ADGRB3: variants seen among roughly 807,000 people sequenced by gnomAD.
ADGRB3 encodes the protein adhesion G protein-coupled receptor B3.
ADGRB3 carries 37 observed loss-of-function variants against 193.4 expected under a neutral mutation model. The ratio of observed to expected loss-of-function variants is 0.19; its 90% confidence interval spans 0.15 to 0.25. ADGRB3 has a LOEUF of 0.25. Among genes scored for constraint, ADGRB3 ranks in the 10% least tolerant of loss-of-function variants. ADGRB3 has a pLI of 1.00. For synonymous variants in ADGRB3, 690 were observed against 644.2 expected (o/e 1.07, Z -1.08); for missense variants, 1,637 against 1,852.9 (o/e 0.88, Z 2.14).
chr6:69,192,827 A>T (rs2150355407), intron 17 of ADGRB3, among the ~76,000 whole-genome samples: 1 of 152,280 alleles, frequency 6.6e-6, no homozygotes, highest in Middle Eastern at 3.4e-3. Flanking sequence ...TACAACAGTG[A>T]ACAAGACAAA....
chr6:68,753,133 A>G (rs1446005378), intron 3 of ADGRB3, among the ~76,000 whole-genome samples: 1 of 152,210 alleles, frequency 6.6e-6, no homozygotes, highest in Non-Finnish European at 1.5e-5. Flanking sequence ...GGCGATAGGG[A>G]TAGTGTGGTA....
chr6:69,332,822 A>T (rs1481151793), intron 23 of ADGRB3, 101 bp from the exon 24 acceptor site: 1 of 1,516,292 alleles, frequency 6.6e-7, no homozygotes, highest in Non-Finnish European at 8.8e-7. Context: ...ACTACTAGTG[A>T]TACGGTGGTT....
intron 20 of ADGRB3, among the ~76,000 whole-genome samples, chr6:69,256,822 A>G (rs563480220): frequency 6.6e-5 from 10 of 152,306 alleles, no homozygotes; most frequent in Admixed American, 2.6e-4. Context: ...CCCATTCTGT[A>G]TGATATTGGC....
At chr6:68,691,490 C>T (rs1354418692) in intron 3 of ADGRB3, among the ~76,000 whole-genome samples, 1 of 151,914 alleles carries the variant, frequency 6.6e-6, no homozygotes, top group African/African-American at 2.4e-5. Context: ...CATTTATTAC[C>T]TACTATCTCA....
At chr6:68,839,965 G>A (rs1207763542) in intron 3 of ADGRB3, among the ~76,000 whole-genome samples, 1 of 152,092 alleles carries the variant, frequency 6.6e-6, no homozygotes, top group Non-Finnish European at 1.5e-5. Flanking sequence ...ACAGTGGAAA[G>A]CAACACCAGA....
rs1015628982 is a variant in ADGRB3 at position 69,170,270 on chromosome 6, T to C, written c.2481-63020T>C. ...AAGCATATGTTGAAAATAAAGCATT[T>C]GATAAAAAGCCTAGATCTAGACTGT... On this transcript the variant is annotated intron_variant, in intron 17 of 31. Coordinates refer to ENST00000370598, the MANE Select transcript of ADGRB3 (RefSeq NM_001704.3). Among the ~76,000 whole-genome samples the C allele has an allele frequency of 2.0e-5, 3 of 152,144 alleles. No individual in the cohort carries two copies. In the East Asian group the frequency reaches 5.8e-4, roughly 29 times the overall value.
intron 3 of ADGRB3, among the ~76,000 whole-genome samples, chr6:68,668,945 G>A (rs569247774): frequency 6.6e-6 from 1 of 151,944 alleles, no homozygotes; most frequent in Non-Finnish European, 1.5e-5. Flanking sequence ...CCGTAGCATT[G>A]TATATTTCTT....
At chr6:69,382,744 T>C (rs1234558579) in intron 30 of ADGRB3, 87 bp from the exon 31 acceptor site, 1 of 975,672 alleles carries the variant, frequency 1.0e-6, no homozygotes, top group Non-Finnish European at 1.5e-6. Flanking sequence ...TGATTACCCT[T>C]ATTATTAAAG....
At chr6:69,093,705 G>A (rs1772783818) in intron 17 of ADGRB3, among the ~76,000 whole-genome samples, 2 of 151,666 alleles carry the variant, frequency 1.3e-5, no homozygotes, top group Non-Finnish European at 2.9e-5. Context: ...CTACGTTCAG[G>A]GGCTAGTAGG....
chr6:68,683,685 G>A lies in ADGRB3; in HGVS notation c.757+44253G>A, dbSNP rs185265908. On this transcript the variant is annotated intron_variant, in intron 3 of 31. Coordinates refer to ENST00000370598, the MANE Select transcript of ADGRB3 (RefSeq NM_001704.3). The stretch of plus-strand genomic sequence containing the variant: ...TTGCGTCAATATTGCCAGGTCTTTG[G>A]CTTCCATTTTTCCTGAGATGTAGGA... 1.3e-3 allele frequency among the ~76,000 whole-genome samples: 195 copies of A among 152,286 alleles called. 1 individual carries two copies. Among genetic ancestry groups the A allele is most frequent in the African/African-American group, 4.5e-3 (187 of 41,558 alleles).
rs1283875521 is a variant in ADGRB3, at chr6:69,126,797, A to G, written c.2480+50759A>G. Among the ~76,000 whole-genome samples the G allele has an allele frequency of 2.0e-5, 3 of 152,208 alleles. No individual in the cohort carries two copies. In the East Asian group the frequency reaches 5.8e-4, roughly 29 times the overall value. ...TTAACCATCACACTTACCTTCCTAT[A>G]GAGTTTGACCTTTCCAACTCTAAGC... On this transcript the variant is annotated intron_variant, in intron 17 of 31. Coordinates refer to ENST00000370598, the MANE Select transcript of ADGRB3 (RefSeq NM_001704.3).
At chr6:68,961,255 T>C (rs1377660173) in intron 8 of ADGRB3, among the ~76,000 whole-genome samples, 1 of 152,184 alleles carries the variant, frequency 6.6e-6, no homozygotes, top group Non-Finnish European at 1.5e-5. Context: ...ATCCTCATTT[T>C]TCCTCTACCA....
intron 17 of ADGRB3, among the ~76,000 whole-genome samples, chr6:69,103,923 G>A (rs1412625335): frequency 4.0e-5 from 6 of 151,868 alleles, no homozygotes; most frequent in Admixed American, 1.3e-4. Flanking sequence ...AGGTTTTCAC[G>A]GATGCTCTCA....
At chr6:68,684,362 TTG>T (rs1480325496) in intron 3 of ADGRB3, among the ~76,000 whole-genome samples, 1 of 152,220 alleles carries the variant, frequency 6.6e-6, no homozygotes, top group Non-Finnish European at 1.5e-5. Context: ...TTCTATTGCA[TTG>T]TTACAGTTTA....
chr6:69,270,659 C>A (rs1256053004), intron 20 of ADGRB3, among the ~76,000 whole-genome samples: 1 of 152,036 alleles, frequency 6.6e-6, no homozygotes, highest in Non-Finnish European at 1.5e-5. Flanking sequence ...ACACATAGTC[C>A]CCTTAAGTAA....
chr6:68,867,615 G>C (rs1288282608), intron 3 of ADGRB3, among the ~76,000 whole-genome samples: 2 of 152,112 alleles, frequency 1.3e-5, no homozygotes, highest in African/African-American at 4.8e-5. Context: ...TTTGTACTGT[G>C]CTCCTGGAAA....
rs1338287615 is a variant in ADGRB3, at chr6:68,734,671, A to G, written c.757+95239A>G. ...GAGAGGAGAATCTAAACCAATTACA[A>G]GGGCACTCCAGAAGGAAGCTACTAG... is the stretch of plus-strand genomic sequence containing the variant. On this transcript the variant is annotated intron_variant, in intron 3 of 31. Transcript: ENST00000370598. Among the ~76,000 whole-genome samples the G allele has an allele frequency of 3.3e-5, 5 of 152,028 alleles. No homozygotes were observed. The East Asian group carries it at 9.7e-4, about 29-fold the overall frequency.
chr6:69,035,857 A>C (rs977374651), intron 13 of ADGRB3, among the ~76,000 whole-genome samples: 4 of 152,154 alleles, frequency 2.6e-5, no homozygotes, highest in Admixed American at 1.3e-4. Flanking sequence ...GTCAAGGGTA[A>C]CACTGATTTC....
At chr6:69,135,369 C>T (rs935260623) in intron 17 of ADGRB3, among the ~76,000 whole-genome samples, 14 of 151,496 alleles carry the variant, frequency 9.2e-5, no homozygotes, top group African/African-American at 1.5e-4. Context: ...CACCTGGTGA[C>T]GTTGGTTTCA....
Sources: allele counts gnomAD v4.1 joint callset (sites outside exome capture counted in the v4.1 genomes callset), GRCh38; gene constraint gnomAD v4.1.1; transcripts MANE v1.5; gene names NCBI Gene and HGNC (gene_info 2026-07-23, HGNC 2026-07-21).